OTOGL: variants seen among roughly 807,000 people sequenced by gnomAD.
OTOGL encodes otogelin-like protein.
Under a neutral mutation model 318.5 loss-of-function variants are expected in OTOGL, and 285 were observed. The observed-to-expected ratio is 0.89, with a 90% confidence interval of 0.81 to 0.99. The LOEUF (loss-of-function observed/expected upper bound fraction) is 0.99, where lower values mean the gene tolerates loss of function less well. Ranked by LOEUF, OTOGL falls within the 50% of genes least tolerant of loss-of-function variation. The pLI, the probability that OTOGL is intolerant of heterozygous loss-of-function variation, is 0.00. For missense variants in OTOGL, 2,899 were observed against 2,845.6 expected (o/e 1.02, Z -0.43); for synonymous variants, 987 against 936.5 (o/e 1.05, Z -0.99).
intron 44 of OTOGL, among the ~76,000 whole-genome samples, chr12:80,347,693 G>A (rs897338509): frequency 5.3e-5 from 8 of 152,062 alleles, no homozygotes; most frequent in Admixed American, 4.6e-4. Context: ...TTGAGGAATT[G>A]CCACACTGTC....
chr12:80,147,460 G>A (rs1051987089), intron 1 of OTOGL, among the ~76,000 whole-genome samples: 1 of 151,096 alleles, frequency 6.6e-6, no homozygotes, highest in African/African-American at 2.5e-5. Context: ...TTGCTGAGGA[G>A]AGCTTTACTT....
rs1210534537 is a variant in OTOGL at position 80,217,679 on chromosome 12, T to C, written c.235+15T>C. The C allele has an allele frequency of 7.4e-6, 11 of 1,484,014 alleles. No homozygotes were observed. The highest frequency in any genetic ancestry group is 8.2e-6 in the Non-Finnish European group (9 of 1,095,346). The allele number at this position is 1,484,014 out of a possible 1,614,324, so 91.9% of individuals were successfully genotyped here. On this transcript the variant is annotated intron_variant, in intron 5 of 58. Transcript: ENST00000547103. Reference sequence around the variant, plus strand: ...CAAAATAAAAGGTCAGTGTTTATACTTAGGTTTTCATATTTGCTTTCTCAG... The same window carrying C: ...CAAAATAAAAGGTCAGTGTTTATACCTAGGTTTTCATATTTGCTTTCTCAG...
At chr12:80,127,813 T>A (rs146416383) in intron 1 of OTOGL, among the ~76,000 whole-genome samples, 2,412 of 152,342 alleles carry the variant, frequency 0.016, 32 homozygotes, top group Admixed American at 0.028. Context: ...CTGATACCCT[T>A]TCTTCCAGTT....
Position 80,318,546 on chromosome 12 carries a change from G to T in OTOGL, c.3635G>T (p.Gly1212Val). 1 of 1,296,218 alleles carries T rather than the reference G, an allele frequency of 7.7e-7. No homozygotes were observed. Among genetic ancestry groups the T allele is most frequent in the Non-Finnish European group, 9.9e-7 (1 of 1,010,382 alleles). The allele number at this position is 1,296,218 out of a possible 1,614,324, so 80.3% of individuals were successfully genotyped here. A position where few individuals can be genotyped will look rare whatever the true frequency, so the allele number is the denominator to read the frequency against. ...AATTCTAATATTTATATTTAACTAG[G>T]ACTTGGAGAAGGACCATATATGCTG... ...CSLDCEYYNE[G>V]LGEGPYMLAS... The change falls in exon 33 of 59, where the codon GGA becomes GTA. Residue 1212 changes from glycine (G) to valine (V), a missense_variant and splice_region_variant. By Grantham distance (109) the Gly-to-Val change is moderately radical. Around this residue, in one of 3 missense-constraint regions of OTOGL, gnomAD observed 2,607 missense variants for 2,524.9 expected, o/e 1.03. Transcript: ENST00000547103.
chr12:80,113,912 GT>G (rs1478614942), intron 1 of OTOGL, among the ~76,000 whole-genome samples: 1 of 151,946 alleles, frequency 6.6e-6, no homozygotes, highest in Admixed American at 6.6e-5. Context: ...TTTAAAGTCT[GT>G]TTTATGAGAC....
intron 26 of OTOGL, among the ~76,000 whole-genome samples, chr12:80,291,421 A>G (rs963579235): frequency 1.4e-4 from 21 of 152,320 alleles, no homozygotes; most frequent in African/African-American, 4.6e-4. Flanking sequence ...CTTTTTCATA[A>G]TCTCAGATTA....
intron 1 of OTOGL, chr12:80,103,307 G>A (rs919232557): frequency 3.8e-6 from 6 of 1,591,370 alleles, no homozygotes; most frequent in Non-Finnish European, 5.2e-6. Context: ...TGCTTCGGTC[G>A]GAAGTCACAA....
At chr12:80,124,629 A>G (rs1870695946) in intron 1 of OTOGL, among the ~76,000 whole-genome samples, 1 of 152,210 alleles carries the variant, frequency 6.6e-6, no homozygotes, top group East Asian at 1.9e-4. Flanking sequence ...TACCTTGGGC[A>G]ATACGGCCAT....
chr12:80,200,233 T>C (rs997579276), intron 1 of OTOGL, among the ~76,000 whole-genome samples: 6 of 152,256 alleles, frequency 3.9e-5, no homozygotes, highest in Admixed American at 6.5e-5. Flanking sequence ...TTAATTAAAT[T>C]GTAAGTGCCA....
At chr12:80,224,937 G>T (rs920044685) in intron 7 of OTOGL, among the ~76,000 whole-genome samples, 1 of 151,928 alleles carries the variant, frequency 6.6e-6, no homozygotes, top group African/African-American at 2.4e-5. Context: ...TGTTTGAGGG[G>T]ATGCATATGT....
At position 80,285,068 on chromosome 12, in the gene OTOGL, AG is replaced by A. The variant is rs1449123591; in HGVS notation, c.2928+5906del. ...TTAATTTTTGTATAAGGTGTAAGGA[AG>A]GGGTCCAGTTTCAGTTTTCCGCATA... On this transcript the variant is annotated intron_variant, in intron 26 of 58. Transcript: ENST00000547103. Among the ~76,000 whole-genome samples, 6 of 152,200 alleles carry A rather than the reference AG, an allele frequency of 3.9e-5. No homozygotes were observed. In the East Asian group the frequency reaches 1.2e-3, roughly 29 times the overall value.
intron 1 of OTOGL, among the ~76,000 whole-genome samples, chr12:80,164,838 TA>T (rs1408430969): frequency 6.6e-6 from 1 of 152,148 alleles, no homozygotes; most frequent in African/African-American, 2.4e-5. Flanking sequence ...TGGTAATTTA[TA>T]AAGAAAAGAG....
intron 1 of OTOGL, among the ~76,000 whole-genome samples, chr12:80,163,298 T>C (rs1011769824): frequency 1.2e-4 from 19 of 152,032 alleles, no homozygotes; most frequent in African/African-American, 3.9e-4. Context: ...CATTGCATTA[T>C]CATTTGGAGA....
At chr12:80,368,145 C>G (rs1890662737) in intron 54 of OTOGL, 60 bp from the exon 55 acceptor site, 1 of 1,245,398 alleles carries the variant, frequency 8.0e-7, no homozygotes, top group Admixed American at 2.1e-5. Flanking sequence ...AATAACTCTC[C>G]AGAAGTAATT....
intron 26 of OTOGL, 149 bp downstream of exon 26, chr12:80,279,315 G>T (rs1036311206): frequency 2.4e-6 from 2 of 835,044 alleles, no homozygotes; most frequent in Non-Finnish European, 3.5e-6. Flanking sequence ...TTTCAGGTTC[G>T]GGGGTACTTG....
At chr12:80,187,535 G>C (rs1875377470) in intron 1 of OTOGL, among the ~76,000 whole-genome samples, 1 of 152,126 alleles carries the variant, frequency 6.6e-6, no homozygotes, top group Non-Finnish European at 1.5e-5. Flanking sequence ...TGAATATTCT[G>C]GGGTTGTTAA....
Position 80,342,021 on chromosome 12 carries a change from A to C in OTOGL, c.5124A>C (p.Ile1708=). Residue 1708 remains isoleucine (I), a synonymous_variant, in exon 44 of 59, where the codon ATA becomes ATC. Transcript: ENST00000547103. ...NGTIITNMED[I]GLFIESWEIE... ...CAATTATTACAAATATGGAAGACAT[A>C]GGATTATTTATTGAGAGCTGGGAAA... The C allele has an allele frequency of 6.2e-7, 1 of 1,608,384 alleles. No homozygotes were observed. The highest frequency in any genetic ancestry group is 1.1e-5 in the South Asian group (1 of 89,824).
intron 27 of OTOGL, among the ~76,000 whole-genome samples, chr12:80,299,335 A>C (rs999165843): frequency 5.9e-5 from 9 of 152,214 alleles, no homozygotes; most frequent in Non-Finnish European, 1.3e-4. Context: ...ATGTTAAAAA[A>C]GAAACAAGAG....
intron 1 of OTOGL, among the ~76,000 whole-genome samples, chr12:80,199,015 A>G (rs1404636874): frequency 6.6e-6 from 1 of 152,188 alleles, no homozygotes; most frequent in East Asian, 1.9e-4. Context: ...TGTGCAATAT[A>G]TTTGTATATG....
Sources: gnomAD v4.1 joint callset for allele counts (sites outside exome capture counted in the v4.1 genomes callset) on GRCh38, gnomAD v4.1.1 for gene constraint, gnomAD v4.1.1 regional missense constraint, MANE v1.5 for transcripts, NCBI Gene and HGNC (gene_info 2026-07-23, HGNC 2026-07-21) for gene names.